Variants in EMSY observed in about 807,000 individuals in gnomAD.
EMSY encodes EMSY transcriptional repressor, BRCA2 interacting.
A neutral mutation model predicts 134.6 loss-of-function variants in EMSY; 26 were observed. The ratio of observed to expected loss-of-function variants is 0.19; its 90% CI spans 0.14 to 0.27. The LOEUF (loss-of-function observed/expected upper bound fraction) is 0.27. Among genes scored for constraint, EMSY ranks in the 10% least tolerant of loss-of-function variants. The pLI is 1.00. For synonymous variants in EMSY, 579 were observed against 577.8 expected, an observed-to-expected ratio of 1.00 and a Z score of -0.03; for missense variants, 1,305 against 1,611.4, an observed-to-expected ratio of 0.81 and a Z score of 3.26.
intron 8 of EMSY, among the ~76,000 whole-genome samples, chr11:76,475,616 T>C (rs553920692): frequency 1.3e-5 from 2 of 152,196 alleles, no homozygotes; most frequent in Non-Finnish European, 2.9e-5. Flanking sequence ...AAGGAAACGA[T>C]GTGATTATTT....
intron 6 of EMSY, among the ~76,000 whole-genome samples, chr11:76,461,577 G>A (rs1590798176): frequency 6.6e-6 from 1 of 152,234 alleles, no homozygotes; most frequent in East Asian, 1.9e-4. Flanking sequence ...GATTTCTGCA[G>A]ATTTAGCCAA....
chr11:76,518,856 T>C (rs957884350), intron 11 of EMSY, among the ~76,000 whole-genome samples: 9 of 68,550 alleles, frequency 1.3e-4, no homozygotes, highest in Non-Finnish European at 3.1e-4. Context: ...TTATAGGCTG[T>C]CTTGTGTGTG....
chr11:76,472,314 A>G (rs190014751), intron 7 of EMSY, among the ~76,000 whole-genome samples: 153 of 152,266 alleles, frequency 1.0e-3, no homozygotes, highest in African/African-American at 3.4e-3. Context: ...TGAAATGTCT[A>G]CTTTCCTGTA....
At chr11:76,451,049 G>A (rs1017463704) in intron 2 of EMSY, among the ~76,000 whole-genome samples, 1 of 151,938 alleles carries the variant, frequency 6.6e-6, no homozygotes, top group Non-Finnish European at 1.5e-5. Context: ...TGCCTCCCTC[G>A]GCTTCCCAAA....
At chr11:76,546,060 G>C (rs1401902608) in exon 20 of EMSY, 2 of 1,614,180 alleles carry the variant, frequency 1.2e-6, no homozygotes, top group Non-Finnish European at 1.7e-6. Flanking sequence ...CCACTAGCAT[G>C]CTCACTGGTG....
chr11:76,537,900 C>T (rs1951284281), exon 16 of EMSY: 1 of 1,613,560 alleles, frequency 6.2e-7, no homozygotes, highest in Non-Finnish European at 8.5e-7. Flanking sequence ...CCTGAGAGTC[C>T]ATCAATTGCT....
intron 16 of EMSY, among the ~76,000 whole-genome samples, chr11:76,538,463 G>A (rs1040954573): frequency 1.3e-5 from 2 of 152,028 alleles, no homozygotes; most frequent in African/African-American, 4.8e-5. Flanking sequence ...ATTTCGCCAT[G>A]TTGCCCGGGC....
intron 7 of EMSY, among the ~76,000 whole-genome samples, chr11:76,468,310 T>A (rs1036229557): frequency 3.3e-5 from 5 of 152,166 alleles, no homozygotes; most frequent in Non-Finnish European, 5.9e-5. Context: ...AGATTTGGCT[T>A]ACTATGGTTA....
exon 19 of EMSY, chr11:76,544,476 A>G: frequency 6.2e-7 from 1 of 1,614,144 alleles, no homozygotes; most frequent in Non-Finnish European, 8.5e-7. Flanking sequence ...CAGACTAAAC[A>G]GAAGCAGACC....
chr11:76,545,925 C>T (rs1463395238), exon 20 of EMSY: 7 of 1,614,044 alleles, frequency 4.3e-6, no homozygotes, highest in African/African-American at 4.0e-5. Context: ...CAGTTACAAG[C>T]ATATCTCCCA....
At chr11:76,492,170 A>G (rs562000960) in intron 8 of EMSY, among the ~76,000 whole-genome samples, 5 of 152,298 alleles carry the variant, frequency 3.3e-5, no homozygotes, top group African/African-American at 1.2e-4. Flanking sequence ...TGTGTTGAAG[A>G]CATGGATTTA....
intron 12 of EMSY, among the ~76,000 whole-genome samples, chr11:76,523,903 A>G (rs1241960865): frequency 6.6e-6 from 1 of 151,462 alleles, no homozygotes; most frequent in Non-Finnish European, 1.5e-5. Context: ...TTTAAAACTT[A>G]ACCAGATGTA....
intron 6 of EMSY, among the ~76,000 whole-genome samples, chr11:76,461,706 T>A (rs921465697): frequency 6.9e-6 from 1 of 145,828 alleles, no homozygotes; most frequent in African/African-American, 2.6e-5. Context: ...CTGAGGTGGG[T>A]GGATCAGTTG....
At chr11:76,509,463 A>C (rs1328303472) in intron 9 of EMSY, among the ~76,000 whole-genome samples, 1 of 152,270 alleles carries the variant, frequency 6.6e-6, no homozygotes, top group Non-Finnish European at 1.5e-5. Flanking sequence ...ACTGCACTCC[A>C]GCCTGGGTAA....
intron 7 of EMSY, among the ~76,000 whole-genome samples, chr11:76,471,111 C>T (rs1417940761): frequency 6.6e-6 from 1 of 152,206 alleles, no homozygotes; most frequent in Non-Finnish European, 1.5e-5. Flanking sequence ...TGTTCACCAT[C>T]ATCCCTGCCT....
exon 19 of EMSY, chr11:76,544,797 C>A (rs1254615529): frequency 6.2e-7 from 1 of 1,614,126 alleles, no homozygotes; most frequent in South Asian, 1.1e-5. Flanking sequence ...CTCCCAGCTT[C>A]TTCAGAGAAA....
chr11:76,465,056 T>C (rs1821163598), intron 7 of EMSY, among the ~76,000 whole-genome samples: 1 of 152,228 alleles, frequency 6.6e-6, no homozygotes, highest in African/African-American at 2.4e-5. Context: ...GGTGTGGGTC[T>C]TTATTTCATC....
At chr11:76,467,387 G>A (rs1590814158) in intron 7 of EMSY, among the ~76,000 whole-genome samples, 1 of 152,180 alleles carries the variant, frequency 6.6e-6, no homozygotes, top group Non-Finnish European at 1.5e-5. Flanking sequence ...GTAGCTAAAA[G>A]CGTACCTACC....
intron 20 of EMSY, among the ~76,000 whole-genome samples, chr11:76,548,005 G>A (rs1951714311): frequency 2.0e-5 from 3 of 152,116 alleles, no homozygotes. Context: ...ACAGCACTGT[G>A]GGTTTGGGCA....
Sources: allele counts gnomAD v4.1 joint callset (sites outside exome capture counted in the v4.1 genomes callset), GRCh38; gene constraint gnomAD v4.1.1; transcripts MANE v1.5; gene names NCBI Gene and HGNC (gene_info 2026-07-23, HGNC 2026-07-21).